The following MTHFD1L variants were observed in gnomAD, a reference collection of about 807,000 sequenced individuals.
The protein encoded by MTHFD1L is monofunctional C1-tetrahydrofolate synthase, mitochondrial.
MTHFD1L carries 81 observed loss-of-function variants against 119.5 expected under a neutral mutation model. The ratio of observed to expected loss-of-function variants is 0.68; its 90% CI spans 0.57 to 0.82. The LOEUF (loss-of-function observed/expected upper bound fraction) is 0.82, where lower values mean the gene tolerates loss of function less well. Among genes scored for constraint, MTHFD1L ranks in the 40% least tolerant of loss-of-function variants. MTHFD1L has a pLI of 0.00. For missense variants in MTHFD1L, 1,125 were observed against 1,253.4 expected, an observed-to-expected ratio of 0.90 and a Z score of 1.55; for synonymous variants, 430 against 475.2, an observed-to-expected ratio of 0.90 and a Z score of 1.24.
In MTHFD1L at chr6:150,926,610, T is replaced by C. The variant is rs1790036402; in HGVS notation, c.1256+315T>C. ...TTCATTATAAAAATCAAAATAGGAATTGAAAGTAAACTATTTTGAACTGAG... is the reference window on the plus strand; with the variant it reads ...TTCATTATAAAAATCAAAATAGGAACTGAAAGTAAACTATTTTGAACTGAG... On this transcript the variant is annotated intron_variant, in intron 11 of 27. Coordinates refer to ENST00000367321, the MANE Select transcript of MTHFD1L (RefSeq NM_015440.5). The surrounding 1 kb of genome is among the most constrained non-coding windows in gnomAD (Gnocchi z 4.3). 6.6e-6 allele frequency among the ~76,000 whole-genome samples: 1 copy of C among 152,240 alleles called. No individual in the cohort carries two copies. The highest frequency in any genetic ancestry group is 1.5e-5 in the Non-Finnish European group (1 of 68,044).
intron 26 of MTHFD1L, among the ~76,000 whole-genome samples, chr6:151,082,814 T>C (rs928287606): frequency 1.2e-4 from 18 of 151,064 alleles, no homozygotes; most frequent in African/African-American, 4.4e-4. Flanking sequence ...ACAATCACAA[T>C]CAAAAAAAAC....
Position 151,009,966 on chromosome 6 carries a change from C to T in MTHFD1L, c.2265+8C>T, listed in dbSNP as rs1401860159. On this transcript the variant is annotated splice_region_variant and intron_variant, in intron 21 of 27. Transcript: ENST00000367321. Reference sequence around the variant, plus strand: ...CATGGAGGCGGGCCAAGTGTAAGTGCCCACACCGCCTTCCTAATACCAAAG... The same window carrying T: ...CATGGAGGCGGGCCAAGTGTAAGTGTCCACACCGCCTTCCTAATACCAAAG... The T allele has an allele frequency of 6.3e-7, 1 of 1,588,020 alleles. No individual in the cohort carries two copies. Among genetic ancestry groups the T allele is most frequent in the Non-Finnish European group, 8.5e-7 (1 of 1,170,992 alleles).
At chr6:150,989,590 T>A (rs761081005) in intron 20 of MTHFD1L, among the ~76,000 whole-genome samples, 5 of 152,258 alleles carry the variant, frequency 3.3e-5, no homozygotes, top group Admixed American at 6.5e-5. Flanking sequence ...TAAATGTCAA[T>A]AGTTTTCTTT....
chr6:151,054,629 A>G (rs1789597979), intron 26 of MTHFD1L, among the ~76,000 whole-genome samples: 1 of 152,180 alleles, frequency 6.6e-6, no homozygotes, highest in African/African-American at 2.4e-5. Flanking sequence ...CTTGACTTGT[A>G]ATTTTTTCCC....
intron 26 of MTHFD1L, among the ~76,000 whole-genome samples, chr6:151,084,791 C>T (rs933883257): frequency 3.3e-5 from 5 of 151,236 alleles, no homozygotes; most frequent in Non-Finnish European, 5.9e-5. Context: ...CACGGTGAAA[C>T]CCCGTCTCTA....
At chr6:150,877,955 C>T (rs1780734009) in intron 4 of MTHFD1L, 129 bp downstream of exon 4, 1 of 1,045,880 alleles carries the variant, frequency 9.6e-7, no homozygotes, top group South Asian at 1.4e-5. Flanking sequence ...AGAGGGAAGA[C>T]TTCACTTCTT....
At chr6:151,045,319 C>T (rs543858224) in intron 26 of MTHFD1L, among the ~76,000 whole-genome samples, 1 of 152,114 alleles carries the variant, frequency 6.6e-6, no homozygotes, top group African/African-American at 2.4e-5. Flanking sequence ...GATGTGAGAG[C>T]GTGCAGAACG....
rs147432490 is a variant in MTHFD1L, at chr6:151,040,589, C to G, written c.2847+3472C>G. 2.7e-4 allele frequency among the ~76,000 whole-genome samples: 41 copies of G among 152,160 alleles called. No individual in the cohort carries two copies. The East Asian group carries it at 7.9e-3, about 29-fold the overall frequency. Reference sequence around the variant, plus strand: ...GGAGTCATGGCACGCACCTGGAGTCCCAGCTACTCAGGAGGCTGAAATGGG... The same window carrying G: ...GGAGTCATGGCACGCACCTGGAGTCGCAGCTACTCAGGAGGCTGAAATGGG... On this transcript the variant is annotated intron_variant, in intron 26 of 27. Transcript: ENST00000367321.
chr6:151,016,684 A>T (rs1284097031), intron 24 of MTHFD1L: 1 of 208,368 alleles, frequency 4.8e-6, no homozygotes, highest in East Asian at 1.6e-4. Flanking sequence ...TGTCTAGTGT[A>T]TGTGTGTGTA....
intron 1 of MTHFD1L, among the ~76,000 whole-genome samples, chr6:150,871,849 AATTTTATTTT>A (rs1377549045): frequency 6.7e-6 from 1 of 148,458 alleles, no homozygotes; most frequent in African/African-American, 2.5e-5. Flanking sequence ...ATTTTATTTT[AATTTTATTTT>A]ATTTTATTTT....
In MTHFD1L at chr6:151,015,836, C is replaced by A. The variant is rs556757385; in HGVS notation, c.2586+143C>A. 3.4e-5 allele frequency: 36 copies of A among 1,052,148 alleles called. No individual in the cohort carries two copies. The South Asian group carries it at 6.3e-4, about 18-fold the overall frequency. 65.2% of individuals were successfully genotyped at this position (1,052,148 alleles called of 1,614,324 possible). ...GTGCAGTGGCTCACGCCTGTAATCC[C>A]AACACTTTGGGAGGCTAGGGCGGGC... On this transcript the variant is annotated intron_variant, in intron 24 of 27. Coordinates refer to ENST00000367321, the MANE Select transcript of MTHFD1L (RefSeq NM_015440.5).
At chr6:151,099,989 C>A in intron 27 of MTHFD1L, 1 of 746,366 alleles carries the variant, frequency 1.3e-6, no homozygotes, top group South Asian at 1.6e-5. Context: ...CATCTGGCAT[C>A]TTCCTTTAAA....
chr6:150,916,292 CT>C (rs71554488), intron 8 of MTHFD1L, among the ~76,000 whole-genome samples: 1,910 of 39,854 alleles, frequency 0.048, 2 homozygotes, highest in Non-Finnish European at 0.067. Flanking sequence ...AAGGTAGAAT[CT>C]TTTTTTTTTT....
rs803384 is a variant in MTHFD1L at position 150,919,286 on chromosome 6, C to T, written c.984+618C>T. 4.6e-5 allele frequency among the ~76,000 whole-genome samples: 7 copies of T among 151,996 alleles called. No individual in the cohort carries two copies. In the East Asian group the frequency reaches 1.4e-3, roughly 30 times the overall value. ...TCACCCAGGCTGGAGTGCAGTGGTG[C>T]GATCTTGGCTCACTGCAACCTCCAC... On this transcript the variant is annotated intron_variant, in intron 9 of 27. Coordinates refer to ENST00000367321, the MANE Select transcript of MTHFD1L (RefSeq NM_015440.5).
chr6:150,887,926 GAA>G lies in MTHFD1L; in HGVS notation c.728_729del (p.Lys243ArgfsTer22), dbSNP rs755763935. 1.2e-6 allele frequency: 2 copies of G among 1,610,814 alleles called. No individual in the cohort carries two copies. ...GCTGCTCTACAATGCCTGTTCCAGAGAAAAGGGTCCATGACAATGAGCATCCA... is the reference window on the plus strand; with the variant it reads ...GCTGCTCTACAATGCCTGTTCCAGAGAAGGGTCCATGACAATGAGCATCCA... On this transcript the variant is annotated frameshift_variant, in exon 7 of 28. Coordinates refer to ENST00000367321, the MANE Select transcript of MTHFD1L (RefSeq NM_015440.5). LOFTEE classifies it high-confidence loss of function.
intron 26 of MTHFD1L, chr6:151,041,976 C>T: frequency 2.7e-6 from 1 of 366,598 alleles, no homozygotes; most frequent in Non-Finnish European, 5.5e-6. Context: ...GTTTTTTTTT[C>T]CTACCATTGA....
At chr6:151,073,416 A>G (rs954163835) in intron 26 of MTHFD1L, among the ~76,000 whole-genome samples, 34 of 152,196 alleles carry the variant, frequency 2.2e-4, no homozygotes, top group Admixed American at 2.2e-3. Context: ...TGGTTAGAAT[A>G]CTAAGAAGGG....
intron 7 of MTHFD1L, among the ~76,000 whole-genome samples, chr6:150,904,687 G>A (rs1305896416): frequency 6.6e-6 from 1 of 152,130 alleles, no homozygotes; most frequent in African/African-American, 2.4e-5. Context: ...GTCATTCTTT[G>A]GTTAAAGTCA....
At chr6:150,986,195 C>T (rs1232398090) in intron 20 of MTHFD1L, among the ~76,000 whole-genome samples, 1 of 152,258 alleles carries the variant, frequency 6.6e-6, no homozygotes, top group Admixed American at 6.5e-5. Context: ...ACTCTAAATT[C>T]TTTTCCTTTA....
Sources: allele counts gnomAD v4.1 joint callset (sites outside exome capture counted in the v4.1 genomes callset), GRCh38; gene constraint gnomAD v4.1.1; non-coding constraint Gnocchi (gnomAD v3.1); transcripts MANE v1.5; gene names NCBI Gene and HGNC (gene_info 2026-07-23, HGNC 2026-07-21).